Variants in PON3 observed in about 807,000 individuals in gnomAD.
PON3 encodes serum paraoxonase/lactonase 3.
Under a neutral mutation model 36.3 loss-of-function variants are expected in PON3, and 37 were observed. The observed-to-expected ratio is 1.02, with a 90% CI of 0.78 to 1.34. The LOEUF is 1.34. Ranked by LOEUF, PON3 falls within the 40% of genes most tolerant of loss-of-function variation. The pLI is 0.00. For synonymous variants in PON3, 155 were observed against 154.8 expected, an observed-to-expected ratio of 1.00 and a Z score of -0.01; for missense variants, 415 against 426.5, an observed-to-expected ratio of 0.97 and a Z score of 0.24.
chr7:95,378,568 C>T (rs2116400986), intron 3 of PON3, among the ~76,000 whole-genome samples: 1 of 152,300 alleles, frequency 6.6e-6, no homozygotes, highest in South Asian at 2.1e-4. Context: ...GGCACAAACC[C>T]TACAAGCCAG....
At chr7:95,392,116 A>C (rs1424377040) in intron 2 of PON3, among the ~76,000 whole-genome samples, 5 of 152,202 alleles carry the variant, frequency 3.3e-5, no homozygotes, top group Non-Finnish European at 7.3e-5. Context: ...TAAAGGACTC[A>C]ACAGGCTGCT....
chr7:95,393,083 A>G (rs1159805179), intron 2 of PON3, among the ~76,000 whole-genome samples: 1 of 152,202 alleles, frequency 6.6e-6, no homozygotes, highest in Non-Finnish European at 1.5e-5. Context: ...TAGGGAGTGC[A>G]AGGTTCAGAT....
At chr7:95,363,557 G>C in intron 6 of PON3, 3 of 406,548 alleles carry the variant, frequency 7.4e-6, no homozygotes, top group South Asian at 6.7e-5. Context: ...AGGGGCAGGG[G>C]TATTGCTCAT....
At chr7:95,387,387 A>G (rs1809220180) in intron 3 of PON3, among the ~76,000 whole-genome samples, 1 of 152,146 alleles carries the variant, frequency 6.6e-6, no homozygotes, top group Admixed American at 6.5e-5. Context: ...CACAATTACT[A>G]TAAAGAGAAT....
At chr7:95,384,743 G>A (rs576452749) in intron 3 of PON3, among the ~76,000 whole-genome samples, 1 of 152,208 alleles carries the variant, frequency 6.6e-6, no homozygotes, top group Non-Finnish European at 1.5e-5. Flanking sequence ...CTTTTACACT[G>A]CTGGTGGGAC....
intron 3 of PON3, among the ~76,000 whole-genome samples, chr7:95,372,999 A>G (rs748202055): frequency 2.0e-5 from 3 of 152,208 alleles, no homozygotes; most frequent in Non-Finnish European, 4.4e-5. Flanking sequence ...TATTAGGATC[A>G]GGTAGCTATT....
At chr7:95,382,139 G>C (rs1029981357) in intron 3 of PON3, among the ~76,000 whole-genome samples, 39 of 152,148 alleles carry the variant, frequency 2.6e-4, no homozygotes, top group African/African-American at 8.9e-4. Context: ...AAATAAAGAT[G>C]TTCTTTGAAA....
Position 95,380,426 on chromosome 7 carries a change from C to T in PON3, c.202-8088G>A, listed in dbSNP as rs143243099. 7.2e-4 allele frequency among the ~76,000 whole-genome samples: 110 copies of T among 152,268 alleles called. 1 individual carries two copies. The East Asian group carries it at 0.014, about 19-fold the overall frequency. ...TCTGAGCTAAAGGAGGAAGTTCAAACTCATGACAAAGAAGTTAAAAACCTT... is the reference window on the plus strand; with the variant it reads ...TCTGAGCTAAAGGAGGAAGTTCAAATTCATGACAAAGAAGTTAAAAACCTT... On this transcript the variant is annotated intron_variant, in intron 3 of 8. Transcript: ENST00000265627.
Position 95,394,664 on chromosome 7 carries a change from C to A in PON3, c.125G>T (p.Cys42Phe), listed in dbSNP as rs201924750. 8.7e-5 allele frequency: 140 copies of A among 1,614,086 alleles called. No individual in the cohort carries two copies. The highest frequency in any genetic ancestry group is 1.2e-4 in the Non-Finnish European group (137 of 1,179,962). ...CATACCAAGTTCCTCAATAAGGTGG[C>A]AGTTTTCAGGTTCTACTGGCTCCAC... ...REVEPVEPENCHLIEELESGS... is the reference protein window; with the variant it reads ...REVEPVEPENFHLIEELESGS... The change falls in exon 2 of 9, where the codon TGC (cysteine) becomes TTC (phenylalanine). Residue 42 changes from cysteine (C) to phenylalanine (F), a missense_variant. Transcript: ENST00000265627.
At chr7:95,371,979 G>A (rs1808817226) in intron 4 of PON3, among the ~76,000 whole-genome samples, 194 bp downstream of exon 4, 1 of 152,012 alleles carries the variant, frequency 6.6e-6, no homozygotes. Context: ...AGGCCACATA[G>A]GGCCAAAAAT....
intron 3 of PON3, among the ~76,000 whole-genome samples, chr7:95,378,310 T>A (rs953010339): frequency 1.3e-5 from 2 of 152,098 alleles, no homozygotes; most frequent in African/African-American, 4.8e-5. Context: ...GAAGAATGGA[T>A]CCAACTTAGA....
In PON3 at chr7:95,362,822, C is replaced by T. The variant is rs1371473603; in HGVS notation, c.715G>A (p.Val239Ile). The T allele has an allele frequency of 6.2e-7, 1 of 1,608,840 alleles. No individual in the cohort carries two copies. The highest frequency in any genetic ancestry group is 1.1e-5 in the South Asian group (1 of 90,964). The part of the protein sequence containing the change: ...ADQKYVYVAD[V>I]AAKNIHIMEK... ...ATTATGTGAATGTTCTTAGCTGCTA[C>T]ATCAGCTACATAGACATACCTTTGA... Residue 239 changes from valine (V) to isoleucine (I), a missense_variant, in exon 7 of 9, where the codon GTA (valine) becomes ATA (isoleucine). By Grantham distance (29) the Val-to-Ile change is conservative. Transcript: ENST00000265627.
chr7:95,365,561 C>T (rs958617408), intron 5 of PON3: 2 of 152,218 alleles, frequency 1.3e-5, no homozygotes, highest in Non-Finnish European at 2.9e-5. Context: ...TTCAAGCAGT[C>T]AGTTAGCAGC....
intron 3 of PON3, among the ~76,000 whole-genome samples, chr7:95,386,629 T>C (rs1488757705): frequency 6.6e-6 from 1 of 151,958 alleles, no homozygotes; most frequent in Non-Finnish European, 1.5e-5. Context: ...TAACTCATTT[T>C]ATGAGGCTAG....
At chr7:95,377,488 T>TG in intron 3 of PON3, 1 of 335,626 alleles carries the variant, frequency 3.0e-6, no homozygotes, top group Non-Finnish European at 6.0e-6. Context: ...CTGACACCCA[T>TG]GTAGCCTGAC....
At chr7:95,390,302 C>G in intron 2 of PON3, 93 bp from the exon 3 acceptor site, 1 of 1,057,418 alleles carries the variant, frequency 9.5e-7, no homozygotes, top group Non-Finnish European at 1.5e-6. Flanking sequence ...TTGGAAACTT[C>G]TTTTGGAAAT....
chr7:95,365,853 T>C (rs1808678418), intron 5 of PON3: 1 of 152,190 alleles, frequency 6.6e-6, no homozygotes, highest in Admixed American at 6.5e-5. Flanking sequence ...CATCTTCACA[T>C]AGCATTCTCC....
intron 2 of PON3, among the ~76,000 whole-genome samples, chr7:95,393,813 C>G (rs1328639226): frequency 6.6e-6 from 1 of 152,090 alleles, no homozygotes; most frequent in Non-Finnish European, 1.5e-5. Context: ...AAAAGAAGGG[C>G]TGCAGTTTGA....
At chr7:95,393,453 G>A (rs148819551) in intron 2 of PON3, among the ~76,000 whole-genome samples, 40 of 152,276 alleles carry the variant, frequency 2.6e-4, no homozygotes, top group Admixed American at 1.5e-3. Flanking sequence ...AAGGTGAGAA[G>A]GTGAAAGAAC....
Sources: allele counts gnomAD v4.1 joint callset (sites outside exome capture counted in the v4.1 genomes callset), GRCh38; gene constraint gnomAD v4.1.1; transcripts MANE v1.5; gene names NCBI Gene and HGNC (gene_info 2026-07-23, HGNC 2026-07-21).